The following NUBP1 variants were observed in gnomAD, a reference collection of about 807,000 sequenced individuals.
NUBP1 encodes NUBP iron-sulfur cluster assembly factor 1, cytosolic, also known as cytosolic Fe-S cluster assembly factor NUBP1.
NUBP1 carries 46 observed loss-of-function variants against 41.8 expected under a neutral mutation model. That is an observed-to-expected ratio of 1.10 (90% confidence interval 0.87 to 1.41). The LOEUF (loss-of-function observed/expected upper bound fraction) is 1.41. Ranked by LOEUF, NUBP1 falls within the 40% of genes most tolerant of loss-of-function variation. The pLI is 0.00. For missense variants in NUBP1, 494 were observed against 414.0 expected, an observed-to-expected ratio of 1.19 and a Z score of -1.68; for synonymous variants, 189 against 154.6, an observed-to-expected ratio of 1.22 and a Z score of -1.65.
Position 10,744,063 on chromosome 16 carries a change from C to A in NUBP1, c.122C>A (p.Thr41Lys). ...CASGAGATPDTAIEEIKEKMK... is the reference protein window; with the variant it reads ...CASGAGATPDKAIEEIKEKMK... ...TCTGGAGCGGGGGCCACTCCGGACA[C>A]GGGTGAGAAAAGGGCAAGGCCTCAA... The change falls in exon 2 of 11, where the codon ACG (threonine) becomes AAG (lysine). Residue 41 changes from threonine to lysine, a missense_variant and splice_region_variant. Physicochemically the swap from Thr to Lys is moderately conservative, Grantham distance 78. Transcript: ENST00000283027. The A allele has an allele frequency of 7.0e-7, 1 of 1,420,202 alleles. No individual in the cohort carries two copies. Among genetic ancestry groups the A allele is most frequent in the Admixed American group, 2.2e-5 (1 of 45,806 alleles). The allele number at this position is 1,420,202 out of a possible 1,614,324, so 88.0% of individuals were successfully genotyped here. A position where few individuals can be genotyped will look rare whatever the true frequency, so the allele number is the denominator to read the frequency against.
rs1005518474 is a variant in NUBP1 at position 10,744,204 on chromosome 16, C to T, written c.124+139C>T. The stretch of plus-strand genomic sequence containing the variant: ...GTATTGTATTCGGAGAGGGGTGGGG[C>T]CCAGAAGGGGCGGGGCGTGGAAAGT... On this transcript the variant is annotated intron_variant, in intron 2 of 10. Coordinates refer to ENST00000283027, the MANE Select transcript of NUBP1 (RefSeq NM_002484.4). 2.1e-5 allele frequency: 18 copies of T among 848,482 alleles called. No individual in the cohort carries two copies. The African/African-American group carries it at 3.2e-4, about 15-fold the overall frequency. 52.6% of individuals were successfully genotyped at this position (848,482 alleles called of 1,614,324 possible).
intron 7 of NUBP1, 45 bp from the exon 8 acceptor site, chr16:10,761,319 T>C (rs780183700): frequency 1.9e-6 from 3 of 1,572,300 alleles, no homozygotes; most frequent in Non-Finnish European, 2.6e-6. Flanking sequence ...ACATTCCCTT[T>C]CTCGCACTTT....
In NUBP1 at chr16:10,769,035, C is replaced by CTTT; in HGVS notation, c.905-10_905-9insTTT. 1 of 1,613,974 alleles carries CTTT rather than the reference C, an allele frequency of 6.2e-7. No individual in the cohort carries two copies. The highest frequency in any genetic ancestry group is 8.5e-7 in the Non-Finnish European group (1 of 1,179,844). ...GCCATTAGCACTCTATGCCTGTCGT[C>CTTT]TTGTTTTCCAGGAATCCAAGAGTTT... On this transcript the variant is annotated splice_polypyrimidine_tract_variant and intron_variant, in intron 10 of 10. Transcript: ENST00000283027.
rs1472276245 is a variant in NUBP1 at position 10,759,540 on chromosome 16, G to A, written c.606+1513G>A. ...TGTAATCCCAGCACTTTGGGAGGCC[G>A]AGGCAGGCAGATTACTTGAGGTCAG... On this transcript the variant is annotated intron_variant, in intron 7 of 10. Transcript: ENST00000283027. This position sits in a 1 kb window ranked among gnomAD's most constrained non-coding sequence, Gnocchi z 4.7. Among the ~76,000 whole-genome samples the A allele has an allele frequency of 5.3e-5, 8 of 152,186 alleles. No individual in the cohort carries two copies. The highest frequency in any genetic ancestry group is 7.2e-5 in the African/African-American group (3 of 41,442).
chr16:10,752,484 C>T (rs1596453270), intron 3 of NUBP1, 126 bp from the exon 4 acceptor site: 2 of 715,916 alleles, frequency 2.8e-6, no homozygotes, highest in East Asian at 5.2e-5. Context: ...CTGATGGCTC[C>T]AAGTTTAACC....
At chr16:10,745,884 T>C (rs1325898885) in intron 2 of NUBP1, among the ~76,000 whole-genome samples, 1 of 152,192 alleles carries the variant, frequency 6.6e-6, no homozygotes, top group African/African-American at 2.4e-5. Flanking sequence ...ACATGGTCAG[T>C]GTGGCGTTTA....
chr16:10,753,418 G>A (rs1266915134), intron 4 of NUBP1, among the ~76,000 whole-genome samples: 1 of 152,146 alleles, frequency 6.6e-6, no homozygotes, highest in Non-Finnish European at 1.5e-5. Context: ...GGTGAGCGAT[G>A]TGGGCTGGGG....
chr16:10,764,247 T>G (rs1339409339), intron 9 of NUBP1, among the ~76,000 whole-genome samples: 2 of 152,280 alleles, frequency 1.3e-5, no homozygotes, highest in African/African-American at 2.4e-5. Flanking sequence ...CATCTTAGCC[T>G]GCTGGAGCAC....
chr16:10,746,718 C>T (rs908218355), intron 2 of NUBP1, among the ~76,000 whole-genome samples: 1 of 151,842 alleles, frequency 6.6e-6, no homozygotes, highest in Non-Finnish European at 1.5e-5. Context: ...CCATCCTGGG[C>T]GACAGAGCAA....
chr16:10,754,169 T>C (rs1900447155), intron 4 of NUBP1, among the ~76,000 whole-genome samples: 1 of 152,200 alleles, frequency 6.6e-6, no homozygotes, highest in Non-Finnish European at 1.5e-5. Context: ...TTAAGACAAA[T>C]GGACTTAGCA....
chr16:10,761,216 G>T (rs1900948758), intron 7 of NUBP1, 148 bp from the exon 8 acceptor site: 1 of 614,066 alleles, frequency 1.6e-6, no homozygotes. Context: ...AGATTTGGAT[G>T]GGGACACAGA....
Position 10,757,936 on chromosome 16 carries a change from C to A in NUBP1, c.515C>A (p.Thr172Asn). 1.2e-6 allele frequency: 2 copies of A among 1,614,098 alleles called. No individual in the cohort carries two copies. The highest frequency in any genetic ancestry group is 8.5e-7 in the Non-Finnish European group (1 of 1,180,012). The change falls in exon 7 of 11, where the codon ACC (threonine) becomes AAC (asparagine). Residue 172 changes from threonine (T) to asparagine (N), a missense_variant. Physicochemically the swap from Thr to Asn is moderately conservative, Grantham distance 65. Coordinates refer to ENST00000283027, the MANE Select transcript of NUBP1 (RefSeq NM_002484.4). This position sits in a 1 kb window ranked among gnomAD's most constrained non-coding sequence, Gnocchi z 4.1. ...WGEVDYLIVD[T>N]PPGTSDEHLS... The stretch of plus-strand genomic sequence containing the variant: ...GAGGTCGACTACCTCATTGTGGACA[C>A]CCCACCTGGGACGTCGGATGAACAC...
chr16:10,744,698 G>C (rs1319265351), intron 2 of NUBP1, among the ~76,000 whole-genome samples: 3 of 152,156 alleles, frequency 2.0e-5, no homozygotes, highest in Admixed American at 1.3e-4. Flanking sequence ...AGGACCCAGG[G>C]AGCCTGCTCA....
At chr16:10,763,648 G>C (rs1427329412) in intron 9 of NUBP1, 1 of 152,382 alleles carries the variant, frequency 6.6e-6, no homozygotes, top group Non-Finnish European at 1.5e-5. Context: ...GATGTGATTG[G>C]GGACAGGAGC....
At chr16:10,761,531 C>T (rs777596593) in intron 8 of NUBP1, 57 bp downstream of exon 8, 101 of 1,416,012 alleles carry the variant, frequency 7.1e-5, no homozygotes, top group Middle Eastern at 1.9e-4. Flanking sequence ...GATGAGGAAA[C>T]GATCGGAAGG....
At chr16:10,762,768 G>A (rs1196087420) in intron 9 of NUBP1, among the ~76,000 whole-genome samples, 2 of 152,138 alleles carry the variant, frequency 1.3e-5, no homozygotes, top group South Asian at 2.1e-4. Flanking sequence ...GAGAGGGGCC[G>A]GGCGGGTGAA....
chr16:10,769,140 GCGAGGCACT>G lies in NUBP1; in HGVS notation c.*37_*45del. 6.2e-7 allele frequency: 1 copy of G among 1,606,112 alleles called. No individual in the cohort carries two copies. Among genetic ancestry groups the G allele is most frequent in the Non-Finnish European group, 8.5e-7 (1 of 1,172,992 alleles). On this transcript the variant is annotated 3_prime_UTR_variant, in exon 11 of 11. Transcript: ENST00000283027. ...ATGTTCAGGACCAAGCAGTTACCGA[GCGAGGCACT>G]CACTGGGCAGCACATCCAGCCAGAC...
At chr16:10,751,197 A>T (rs770716836) in intron 3 of NUBP1, among the ~76,000 whole-genome samples, 43 of 152,208 alleles carry the variant, frequency 2.8e-4, no homozygotes, top group Non-Finnish European at 2.6e-4. Flanking sequence ...CTCTAAAGGG[A>T]ATTGATTAAA....
At chr16:10,763,191 C>T (rs1339701202) in intron 9 of NUBP1, among the ~76,000 whole-genome samples, 3 of 151,950 alleles carry the variant, frequency 2.0e-5, no homozygotes, top group Non-Finnish European at 4.4e-5. Flanking sequence ...CTCGGGGGCT[C>T]AGGTTGTCAG....
Sources: gnomAD v4.1 joint callset for allele counts (sites outside exome capture counted in the v4.1 genomes callset) on GRCh38, gnomAD v4.1.1 for gene constraint, Gnocchi (gnomAD v3.1) non-coding constraint, MANE v1.5 for transcripts, NCBI Gene and HGNC (gene_info 2026-07-23, HGNC 2026-07-21) for gene names.